Variants in PPP1R1C observed in about 807,000 individuals in gnomAD.
The protein encoded by PPP1R1C is protein phosphatase 1 regulatory subunit 1C.
A neutral mutation model predicts 17.4 loss-of-function variants in PPP1R1C; 15 were observed. The observed-to-expected ratio is 0.86, with a 90% CI of 0.58 to 1.33. The LOEUF (loss-of-function observed/expected upper bound fraction) is 1.33, where lower values mean the gene tolerates loss of function less well. PPP1R1C is among the 40% of genes most tolerant of loss of function. The pLI is 0.00. For missense variants in PPP1R1C, 143 were observed against 130.0 expected, an observed-to-expected ratio of 1.10 and a Z score of -0.48; for synonymous variants, 35 against 43.1, an observed-to-expected ratio of 0.81 and a Z score of 0.73.
intron 2 of PPP1R1C, among the ~76,000 whole-genome samples, chr2:182,043,652 G>A (rs1023428215): frequency 1.3e-5 from 2 of 150,814 alleles, no homozygotes; most frequent in African/African-American, 2.4e-5. Flanking sequence ...GTATGCTGAC[G>A]TAAGTTGTAT....
chr2:182,037,361 A>G (rs1687042255), intron 2 of PPP1R1C, among the ~76,000 whole-genome samples: 1 of 152,164 alleles, frequency 6.6e-6, no homozygotes, highest in Non-Finnish European at 1.5e-5. Context: ...GGCCAAGGCC[A>G]GAGGATCACG....
intron 4 of PPP1R1C, among the ~76,000 whole-genome samples, chr2:182,071,133 C>T (rs1477397550): frequency 2.6e-5 from 4 of 152,042 alleles, no homozygotes; most frequent in African/African-American, 7.2e-5. Flanking sequence ...TAACTAAAGC[C>T]CATATTTTCT....
intron 4 of PPP1R1C, among the ~76,000 whole-genome samples, chr2:182,097,668 G>T (rs1412045437): frequency 6.6e-6 from 1 of 152,102 alleles, no homozygotes; most frequent in Non-Finnish European, 1.5e-5. Context: ...GTCTTAATTT[G>T]GCTTGAAATG....
chr2:182,113,146 T>C (rs1030133751), intron 4 of PPP1R1C, among the ~76,000 whole-genome samples: 1 of 152,326 alleles, frequency 6.6e-6, no homozygotes, highest in Admixed American at 6.5e-5. Context: ...CTTGAACATG[T>C]ACAGTGATGA....
chr2:182,088,250 T>G (rs1688687807), intron 4 of PPP1R1C, among the ~76,000 whole-genome samples: 1 of 152,190 alleles, frequency 6.6e-6, no homozygotes, highest in South Asian at 2.1e-4. Flanking sequence ...GGATAACCAG[T>G]GAAGATGCAA....
At chr2:181,958,622 A>G (rs893220779) in intron 1 of PPP1R1C, among the ~76,000 whole-genome samples, 1 of 152,238 alleles carries the variant, frequency 6.6e-6, no homozygotes, top group Non-Finnish European at 1.5e-5. Context: ...GATATAGAAT[A>G]GAAGTCTTTC....
rs1041657935 is a variant in PPP1R1C, at chr2:181,957,514, A to G, written n.111+2880A>G. ...TTAAGTCCCTTTAACTTACTGAATC[A>G]TAACAGACATTCATTCCATTGTTTA... On this transcript the variant is annotated intron_variant and non_coding_transcript_variant, in intron 1 of 5. Transcript: ENST00000464264. The surrounding 1 kb of genome is among the most constrained non-coding windows in gnomAD (Gnocchi z 4.2). Among the ~76,000 whole-genome samples, 3 of 152,228 alleles carry G rather than the reference A, an allele frequency of 2.0e-5. No homozygotes were observed. Among genetic ancestry groups the G allele is most frequent in the Admixed American group, 6.5e-5 (1 of 15,284 alleles).
rs1574339936 is a variant in PPP1R1C at position 181,962,001 on chromosome 2, C to T, written n.111+7367C>T. The T allele has an allele frequency of 1.5e-5, 11 of 731,504 alleles. No individual in the cohort carries two copies. The highest frequency in any genetic ancestry group is 1.5e-4 in the South Asian group (11 of 73,338). 45.3% of individuals were successfully genotyped at this position (731,504 alleles called of 1,614,324 possible). ...TACTTGACTCTAAAGTCATCGGCTG[C>T]AAGACAGGCATTGTCAATCTGCAAA... On this transcript the variant is annotated intron_variant and non_coding_transcript_variant, in intron 1 of 5. Transcript: ENST00000464264. This position sits in a 1 kb window ranked among gnomAD's most constrained non-coding sequence, Gnocchi z 6.0.
chr2:182,108,000 T>C (rs1009457679), intron 4 of PPP1R1C, among the ~76,000 whole-genome samples: 2 of 151,990 alleles, frequency 1.3e-5, no homozygotes, highest in African/African-American at 4.8e-5. Context: ...AATTCTTCCG[T>C]CTGTTTTCTA....
chr2:182,063,733 A>G lies in PPP1R1C; in HGVS notation c.183A>G (p.Leu61=), dbSNP rs61732272. The change falls in exon 4 of 5, where the codon TTA becomes TTG. Residue 61 remains leucine, a splice_region_variant and synonymous_variant. Coordinates refer to ENST00000682840, the MANE Select transcript of PPP1R1C (RefSeq NM_001080545.3). ...DKRGPNTQGE[L]QNASPKQRKQ... ...TACTTTTTTCTCTTTCTCCACAGTT[A>G]CAGAATGCATCCCCTAAGCAAAGGA... The G allele has an allele frequency of 1.1e-5, 18 of 1,612,114 alleles. No individual in the cohort carries two copies. The African/African-American group carries it at 2.3e-4, about 20-fold the overall frequency.
At chr2:181,972,603 G>A (rs991825164) in intron 1 of PPP1R1C, among the ~76,000 whole-genome samples, 5 of 152,136 alleles carry the variant, frequency 3.3e-5, no homozygotes, top group African/African-American at 1.2e-4. Context: ...AAGTAGAGAT[G>A]TTTGCTAAGT....
rs1685292940 is a variant in PPP1R1C, at chr2:181,986,198, GA to G, written c.81+10del. The G allele has an allele frequency of 6.2e-7, 1 of 1,601,556 alleles. No individual in the cohort carries two copies. The highest frequency in any genetic ancestry group is 1.3e-5 in the African/African-American group (1 of 74,670). On this transcript the variant is annotated splice_region_variant and intron_variant, in intron 1 of 4. Transcript: ENST00000682840. ...ACCTGAAGCAGCAGAGCAGGTATGT[GA>G]AATTGCATGGAGAACCATTCCTGTA...
chr2:181,958,214 T>A (rs1040355826), intron 1 of PPP1R1C, among the ~76,000 whole-genome samples: 3 of 152,164 alleles, frequency 2.0e-5, no homozygotes, highest in Non-Finnish European at 2.9e-5. Flanking sequence ...TCAGGTCAAC[T>A]CCCTTTCTCA....
intron 4 of PPP1R1C, among the ~76,000 whole-genome samples, chr2:182,071,012 G>A (rs1688123739): frequency 6.6e-6 from 1 of 152,062 alleles, no homozygotes; most frequent in Non-Finnish European, 1.5e-5. Context: ...CCACCCCTAT[G>A]ATCCAATCAC....
intron 2 of PPP1R1C, among the ~76,000 whole-genome samples, chr2:182,051,371 G>GTGTA (rs1235804642): frequency 6.6e-6 from 1 of 152,170 alleles, no homozygotes; most frequent in African/African-American, 2.4e-5. Flanking sequence ...ACCATGAGAG[G>GTGTA]TGTAATACTG....
chr2:181,961,992 C>A lies in PPP1R1C; in HGVS notation n.111+7358C>A. The A allele has an allele frequency of 1.4e-6, 1 of 732,194 alleles. No homozygotes were observed. The highest frequency in any genetic ancestry group is 2.6e-5 in the East Asian group (1 of 37,776). 45.4% of individuals were successfully genotyped at this position (732,194 alleles called of 1,614,324 possible). A position where few individuals can be genotyped will look rare whatever the true frequency, so the allele number is the denominator to read the frequency against. ...TCTGTCTCATACTTGACTCTAAAGTCATCGGCTGCAAGACAGGCATTGTCA... is the reference window on the plus strand; with the variant it reads ...TCTGTCTCATACTTGACTCTAAAGTAATCGGCTGCAAGACAGGCATTGTCA... On this transcript the variant is annotated intron_variant and non_coding_transcript_variant, in intron 1 of 5. Transcript: ENST00000464264. This position sits in a 1 kb window ranked among gnomAD's most constrained non-coding sequence, Gnocchi z 5.8.
chr2:182,091,450 A>G (rs1559089251), intron 4 of PPP1R1C, among the ~76,000 whole-genome samples: 1 of 151,908 alleles, frequency 6.6e-6, no homozygotes, highest in Non-Finnish European at 1.5e-5. Context: ...AAGTGGAGCC[A>G]GCTGCAAAGA....
At chr2:181,985,296 C>A (rs1216056267), upstream of PPP1R1C, among the ~76,000 whole-genome samples, 1 of 152,158 alleles carries the variant, frequency 6.6e-6, no homozygotes, top group Non-Finnish European at 1.5e-5. The surrounding 1 kb of genome is among the most constrained non-coding windows in gnomAD (Gnocchi z 4.1). Context: ...TGAGTCCAAT[C>A]CCCTCATTTT....
intron 4 of PPP1R1C, among the ~76,000 whole-genome samples, chr2:182,070,991 T>C (rs984527505): frequency 2.0e-5 from 3 of 152,062 alleles, no homozygotes; most frequent in South Asian, 2.1e-4. Context: ...GCTAACCCAT[T>C]CATGAAGGAT....
Sources: allele counts gnomAD v4.1 joint callset (sites outside exome capture counted in the v4.1 genomes callset), GRCh38; gene constraint gnomAD v4.1.1; non-coding constraint Gnocchi (gnomAD v3.1); transcripts MANE v1.5; gene names NCBI Gene and HGNC (gene_info 2026-07-23, HGNC 2026-07-21).